The following SGCZ variants were observed in gnomAD, a reference collection of about 807,000 sequenced individuals.
SGCZ encodes sarcoglycan zeta, also known as zeta-sarcoglycan.
SGCZ carries 40 observed loss-of-function variants against 41.3 expected under a neutral mutation model. That is an observed-to-expected ratio of 0.97 (90% CI 0.75 to 1.26). The LOEUF is 1.26. Among genes scored for constraint, SGCZ ranks in the 50% most tolerant of loss-of-function variants. SGCZ has a pLI of 0.00. For missense variants in SGCZ, 552 were observed against 369.8 expected (o/e 1.49, Z -4.04); for synonymous variants, 206 against 137.5 (o/e 1.50, Z -3.49).
At chr8:14,144,781 C>T (rs944672093) in intron 5 of SGCZ, among the ~76,000 whole-genome samples, 1 of 152,102 alleles carries the variant, frequency 6.6e-6, no homozygotes, top group African/African-American at 2.4e-5. Flanking sequence ...GGCCATCCAG[C>T]ATTCACCATA....
intron 1 of SGCZ, among the ~76,000 whole-genome samples, chr8:14,997,513 A>G (rs1199478217): frequency 6.6e-6 from 1 of 152,234 alleles, no homozygotes; most frequent in Non-Finnish European, 1.5e-5. Context: ...GGCAAAATTT[A>G]TGCAAAGATC....
At chr8:14,960,783 C>T (rs1800938058) in intron 1 of SGCZ, among the ~76,000 whole-genome samples, 1 of 152,076 alleles carries the variant, frequency 6.6e-6, no homozygotes, top group South Asian at 2.1e-4. Context: ...ATCATTTCTA[C>T]TACATCAATT....
At chr8:14,988,909 GA>G (rs1467701029) in intron 1 of SGCZ, among the ~76,000 whole-genome samples, 1 of 152,148 alleles carries the variant, frequency 6.6e-6, no homozygotes, top group African/African-American at 2.4e-5. Context: ...CATTTGTGGG[GA>G]GGGGGGGCAT....
intron 1 of SGCZ, among the ~76,000 whole-genome samples, chr8:15,167,276 A>C (rs889026387): frequency 1.3e-5 from 2 of 152,238 alleles, no homozygotes; most frequent in African/African-American, 4.8e-5. Context: ...CTGGATAGGT[A>C]TGCTTCCCTT....
chr8:14,579,476 C>G (rs1804816052), intron 1 of SGCZ, among the ~76,000 whole-genome samples: 1 of 152,134 alleles, frequency 6.6e-6, no homozygotes, highest in African/African-American at 2.4e-5. Flanking sequence ...CAGTATTGAT[C>G]TTTTTATTTG....
intron 1 of SGCZ, among the ~76,000 whole-genome samples, chr8:14,963,220 G>A (rs979886671): frequency 2.0e-5 from 3 of 152,170 alleles, no homozygotes; most frequent in Admixed American, 6.5e-5. Flanking sequence ...GGTACTGTGT[G>A]TATATGTGTT....
At chr8:14,094,289 C>G (rs900877262) in intron 7 of SGCZ, among the ~76,000 whole-genome samples, 2 of 152,144 alleles carry the variant, frequency 1.3e-5, no homozygotes, top group African/African-American at 4.8e-5. Context: ...TATCCCTCCC[C>G]TAGCCCCCCC....
intron 1 of SGCZ, among the ~76,000 whole-genome samples, chr8:14,937,411 T>A (rs1205926737): frequency 6.6e-6 from 1 of 152,096 alleles, no homozygotes; most frequent in Non-Finnish European, 1.5e-5. Context: ...AGATCCATGT[T>A]GTTTTTAAGG....
At chr8:14,999,130 A>G (rs1308610030) in intron 1 of SGCZ, among the ~76,000 whole-genome samples, 4 of 152,194 alleles carry the variant, frequency 2.6e-5, no homozygotes, top group Non-Finnish European at 5.9e-5. Flanking sequence ...GTTACAGAAA[A>G]CAATGTGTGA....
intron 1 of SGCZ, among the ~76,000 whole-genome samples, chr8:14,757,293 T>A (rs985587810): frequency 6.6e-6 from 1 of 152,102 alleles, no homozygotes; most frequent in Non-Finnish European, 1.5e-5. Flanking sequence ...AGGTGATCCA[T>A]CCGCCTCAGC....
At chr8:14,877,755 C>T (rs1345876275) in intron 1 of SGCZ, among the ~76,000 whole-genome samples, 2 of 152,234 alleles carry the variant, frequency 1.3e-5, no homozygotes, top group East Asian at 3.9e-4. Flanking sequence ...GCTTCCAAAG[C>T]ATTCATTTTC....
chr8:14,994,585 C>T, intron 1 of SGCZ, among the ~76,000 whole-genome samples: 1 of 127,714 alleles, frequency 7.8e-6, no homozygotes, highest in Non-Finnish European at 1.7e-5. Context: ...ACTGTGCATC[C>T]AAAAAAAAAA....
At chr8:14,725,132 C>T (rs796762260) in intron 1 of SGCZ, among the ~76,000 whole-genome samples, 9 of 152,282 alleles carry the variant, frequency 5.9e-5, no homozygotes, top group African/African-American at 2.2e-4. Context: ...TTTCACTTAA[C>T]ATAATGCTGT....
intron 1 of SGCZ, among the ~76,000 whole-genome samples, chr8:14,852,271 A>G (rs1181335137): frequency 6.6e-6 from 1 of 152,176 alleles, no homozygotes; most frequent in Non-Finnish European, 1.5e-5. Context: ...AAGTCCAAGA[A>G]CCATCTGAAA....
chr8:14,996,769 T>C (rs1380488927), intron 1 of SGCZ, among the ~76,000 whole-genome samples: 1 of 152,198 alleles, frequency 6.6e-6, no homozygotes, highest in African/African-American at 2.4e-5. Flanking sequence ...GCATTGACAT[T>C]TGGGCTAAGA....
intron 2 of SGCZ, among the ~76,000 whole-genome samples, chr8:14,376,167 C>G (rs903642616): frequency 6.6e-6 from 1 of 151,700 alleles, no homozygotes; most frequent in Admixed American, 6.6e-5. Context: ...AAAAATTAGC[C>G]GGGCATGGTG....
intron 1 of SGCZ, among the ~76,000 whole-genome samples, chr8:14,610,227 G>A (rs1805882968): frequency 6.6e-6 from 1 of 152,088 alleles, no homozygotes; most frequent in South Asian, 2.1e-4. Context: ...TTGACCTAAA[G>A]ACACTTGAGA....
intron 1 of SGCZ, among the ~76,000 whole-genome samples, chr8:14,901,329 G>A (rs2130760617): frequency 1.3e-5 from 2 of 152,262 alleles, no homozygotes; most frequent in South Asian, 4.1e-4. Context: ...TGTCCATTAT[G>A]CATGGGAGTA....
rs115280056 is a variant in SGCZ at position 15,048,046 on chromosome 8, G to A, written c.39+189539C>T. On this transcript the variant is annotated intron_variant, in intron 1 of 7. Coordinates refer to ENST00000382080, the MANE Select transcript of SGCZ (RefSeq NM_139167.4). ...AGATTTCTGTATTTCCATATTCATT[G>A]CACCATTCTTCACAATAGCCAAGAT... is the stretch of plus-strand genomic sequence containing the variant. 6.3e-3 allele frequency among the ~76,000 whole-genome samples: 965 copies of A among 152,062 alleles called. 11 individuals carry two copies. The highest frequency in any genetic ancestry group is 0.022 in the African/African-American group (928 of 41,520).
Sources: allele counts gnomAD v4.1 joint callset (sites outside exome capture counted in the v4.1 genomes callset), GRCh38; gene constraint gnomAD v4.1.1; transcripts MANE v1.5; gene names NCBI Gene and HGNC (gene_info 2026-07-23, HGNC 2026-07-21).